The following CTSC variants were observed in gnomAD, a reference collection of about 807,000 sequenced individuals.
CTSC encodes the protein dipeptidyl peptidase 1.
CTSC carries 37 observed loss-of-function variants against 40.9 expected under a neutral mutation model. That is an observed-to-expected ratio of 0.91 (90% CI 0.70 to 1.19). CTSC has a LOEUF of 1.19. Among genes scored for constraint, CTSC ranks in the 50% most tolerant of loss-of-function variants. The pLI, the probability that CTSC is intolerant of heterozygous loss-of-function variation, is 0.00. For missense variants in CTSC, 594 were observed against 567.3 expected, an observed-to-expected ratio of 1.05 and a Z score of -0.48; for synonymous variants, 232 against 207.4, an observed-to-expected ratio of 1.12 and a Z score of -1.02.
chr11:88,326,282 G>C, intron 2 of CTSC: 2 of 1,595,440 alleles, frequency 1.3e-6, no homozygotes, highest in Non-Finnish European at 1.7e-6. Flanking sequence ...TTTGCATTTT[G>C]CATGCAAATA....
intron 2 of CTSC, chr11:88,322,176 T>A (rs541533040): frequency 1.3e-5 from 2 of 152,134 alleles, no homozygotes; most frequent in African/African-American, 4.8e-5. Flanking sequence ...ATTGAAAAAA[T>A]TTTCTCCCAT....
chr11:88,316,610 CAT>C (rs140427801), intron 2 of CTSC, among the ~76,000 whole-genome samples: 42,717 of 151,938 alleles, frequency 0.28, 7,357 homozygotes, highest in East Asian at 0.56. Context: ...TCCACAAAAA[CAT>C]AACTATGACA....
intron 2 of CTSC, among the ~76,000 whole-genome samples, chr11:88,331,484 G>A (rs1025744264): frequency 3.9e-5 from 6 of 152,208 alleles, no homozygotes; most frequent in African/African-American, 1.4e-4. Context: ...GCAAGTTCTG[G>A]AAGGGTCCCA....
At chr11:88,324,476 T>A in intron 2 of CTSC, 1 of 981,932 alleles carries the variant, frequency 1.0e-6, no homozygotes. Flanking sequence ...ATGGCACCAT[T>A]CCTGATTTGT....
intron 2 of CTSC, chr11:88,321,133 A>G: frequency 1.6e-6 from 1 of 627,756 alleles, no homozygotes. Context: ...TTAAATATAT[A>G]TACATATATA....
intron 4 of CTSC, among the ~76,000 whole-genome samples, chr11:88,303,615 T>C (rs1408881024): frequency 2.0e-5 from 3 of 152,234 alleles, no homozygotes; most frequent in Non-Finnish European, 4.4e-5. Flanking sequence ...CTCCAGGAAC[T>C]TCCACTTGTT....
chr11:88,332,941 C>A (rs1375957405), intron 2 of CTSC, among the ~76,000 whole-genome samples: 2 of 152,142 alleles, frequency 1.3e-5, no homozygotes, highest in African/African-American at 4.8e-5. Flanking sequence ...ACACATATAA[C>A]TTTATTTGGC....
At chr11:88,297,386 A>G (rs923402234) in intron 5 of CTSC, 2 of 152,144 alleles carry the variant, frequency 1.3e-5, no homozygotes, top group Non-Finnish European at 2.9e-5. Context: ...AGGAGTGAGG[A>G]TACTTTTTTT....
intron 2 of CTSC, among the ~76,000 whole-genome samples, chr11:88,315,101 A>G (rs887175747): frequency 5.3e-5 from 8 of 152,224 alleles, no homozygotes; most frequent in African/African-American, 1.7e-4. Flanking sequence ...GATGCAACCT[A>G]AACTCCATAA....
intron 4 of CTSC, among the ~76,000 whole-genome samples, chr11:88,308,512 T>C (rs1055225106): frequency 4.0e-5 from 6 of 151,156 alleles, no homozygotes; most frequent in African/African-American, 7.3e-5. Context: ...CTTATCTTAT[T>C]TTATTTTATT....
chr11:88,301,975 A>C (rs190154976), intron 4 of CTSC, among the ~76,000 whole-genome samples: 1 of 152,120 alleles, frequency 6.6e-6, no homozygotes, highest in African/African-American at 2.4e-5. Context: ...AAACTCCCCT[A>C]AGAGTTTTTC....
At chr11:88,320,710 C>T in intron 2 of CTSC, 2 of 462,620 alleles carry the variant, frequency 4.3e-6, no homozygotes, top group Non-Finnish European at 5.7e-6. Context: ...ATCTCTTTTC[C>T]ACTAAATCAT....
chr11:88,337,283 A>G (rs898883313), intron 1 of CTSC, among the ~76,000 whole-genome samples: 2 of 152,250 alleles, frequency 1.3e-5, no homozygotes, highest in Non-Finnish European at 2.9e-5. Context: ...AGTCCCCAAG[A>G]TAACCAAGAA....
At chr11:88,313,984 T>C (rs1227763986) in intron 2 of CTSC, among the ~76,000 whole-genome samples, 5 of 152,098 alleles carry the variant, frequency 3.3e-5, no homozygotes, top group African/African-American at 1.2e-4. Flanking sequence ...CTCAAACAAA[T>C]TGGCACAGGG....
rs147002502 is a variant in CTSC, at chr11:88,296,245, G to A, written c.777C>T (p.Tyr259=). 23 of 1,613,832 alleles carry A rather than the reference G, an allele frequency of 1.4e-5. No homozygotes were observed. In the African/African-American group the frequency reaches 2.9e-4, roughly 21 times the overall value. The part of the protein sequence containing the change: ...VRNQASCGSC[Y]SFASMGMLEA... ...CTAGCATACCCATAGAAGCAAATGA[G>A]TAGCAGCTGCCACAGGATGCTGGCG... The change falls in exon 6 of 7, where the codon TAC becomes TAT. Residue 259 remains tyrosine, a synonymous_variant. Transcript: ENST00000227266.
In CTSC at chr11:88,335,084, T is replaced by C; in HGVS notation, c.173-2A>G. Reference sequence around the variant, plus strand: ...CCACTACTTTTTTTTCTTGTGGTCCTAAAGAAAAAAAAAAAAAGCACAATA... The same window carrying C: ...CCACTACTTTTTTTTCTTGTGGTCCCAAAGAAAAAAAAAAAAAGCACAATA... On this transcript the variant is annotated splice_acceptor_variant, in intron 1 of 6. Transcript: ENST00000227266. LOFTEE classifies it high-confidence loss of function. 1.3e-6 allele frequency: 2 copies of C among 1,525,122 alleles called. No individual in the cohort carries two copies. Among genetic ancestry groups the C allele is most frequent in the South Asian group, 1.2e-5 (1 of 85,788 alleles). The allele number at this position is 1,525,122 out of a possible 1,614,324, so 94.5% of individuals were successfully genotyped here.
At chr11:88,335,135 G>A in intron 1 of CTSC, 53 bp from the exon 2 acceptor site, 1 of 1,180,824 alleles carries the variant, frequency 8.5e-7, no homozygotes, top group South Asian at 1.2e-5. Context: ...GATTTCAATA[G>A]GGGAAAGAAT....
At chr11:88,309,358 C>A in intron 3 of CTSC, 40 bp from the exon 4 acceptor site, 1 of 1,535,630 alleles carries the variant, frequency 6.5e-7, no homozygotes, top group South Asian at 1.1e-5. Flanking sequence ...ATAGTCTTTA[C>A]TGATGTAAAT....
At chr11:88,335,979 A>G (rs1461491161) in intron 1 of CTSC, among the ~76,000 whole-genome samples, 2 of 152,118 alleles carry the variant, frequency 1.3e-5, no homozygotes, top group Non-Finnish European at 2.9e-5. Flanking sequence ...TATAAAACCA[A>G]TTAGTGCTGA....
Sources: allele counts gnomAD v4.1 joint callset (sites outside exome capture counted in the v4.1 genomes callset), GRCh38; gene constraint gnomAD v4.1.1; transcripts MANE v1.5; gene names NCBI Gene and HGNC (gene_info 2026-07-23, HGNC 2026-07-21).